DPH6: variants seen among roughly 807,000 people sequenced by gnomAD.
DPH6 encodes the protein diphthamine biosynthesis 6.
Under a neutral mutation model 38.2 loss-of-function variants are expected in DPH6, and 33 were observed. The ratio of observed to expected loss-of-function variants is 0.86; its 90% CI spans 0.65 to 1.15. The LOEUF (loss-of-function observed/expected upper bound fraction) is 1.15. Among genes scored for constraint, DPH6 ranks in the 50% most tolerant of loss-of-function variants. The pLI, the probability that DPH6 is intolerant of heterozygous loss-of-function variation, is 0.00. For synonymous variants in DPH6, 108 were observed against 103.0 expected, an observed-to-expected ratio of 1.05 and a Z score of -0.30; for missense variants, 325 against 320.0, an observed-to-expected ratio of 1.02 and a Z score of -0.12.
At chr15:35,528,066 C>T (rs781116277) in intron 3 of DPH6, among the ~76,000 whole-genome samples, 24 of 152,126 alleles carry the variant, frequency 1.6e-4, no homozygotes, top group East Asian at 5.8e-4. Context: ...CTTGATTTAC[C>T]GGCAAATGTG....
intron 6 of DPH6, among the ~76,000 whole-genome samples, chr15:35,395,469 A>C (rs1595527809): frequency 6.6e-6 from 1 of 152,354 alleles, no homozygotes; most frequent in African/African-American, 2.4e-5. Context: ...AAGCCTCTTC[A>C]TGAATGGGCC....
intron 5 of DPH6, among the ~76,000 whole-genome samples, chr15:35,415,863 C>T (rs1481528091): frequency 6.6e-6 from 1 of 151,916 alleles, no homozygotes; most frequent in South Asian, 2.1e-4. Context: ...CATTTCACTA[C>T]AAAAGGAGAT....
downstream of DPH6, chr15:35,217,248 T>G (rs1292965449): frequency 6.6e-6 from 1 of 152,218 alleles, no homozygotes; most frequent in African/African-American, 2.4e-5. Context: ...AGGTTTAGAT[T>G]AGATAACCTT....
chr15:35,456,237 C>G (rs1296376628), intron 3 of DPH6, among the ~76,000 whole-genome samples: 1 of 151,796 alleles, frequency 6.6e-6, no homozygotes, highest in African/African-American at 2.4e-5. Context: ...ACATAGAGTT[C>G]CTTATTAAAT....
intron 5 of DPH6, among the ~76,000 whole-genome samples, chr15:35,427,548 C>G (rs1041582687): frequency 2.6e-5 from 4 of 151,782 alleles, no homozygotes; most frequent in Non-Finnish European, 5.9e-5. Flanking sequence ...CTGATAGAGT[C>G]TAATTAAGAA....
intron 5 of DPH6, among the ~76,000 whole-genome samples, chr15:35,418,302 A>T (rs1297060361): frequency 2.0e-5 from 3 of 152,150 alleles, no homozygotes; most frequent in Admixed American, 1.3e-4. Flanking sequence ...ATTAATGAAG[A>T]TTATAATCCA....
At chr15:35,158,246 C>A in the DPH6 span, among the ~76,000 whole-genome samples, 7 of 152,118 alleles carry the variant, frequency 4.6e-5, no homozygotes, top group East Asian at 1.4e-3. Flanking sequence ...GATTAAAAGG[C>A]TACCACTTGA....
intron 3 of DPH6, among the ~76,000 whole-genome samples, chr15:35,491,717 G>A (rs570750604): frequency 2.4e-5 from 2 of 82,260 alleles, no homozygotes; most frequent in East Asian, 9.6e-4. Context: ...CTTTATATAT[G>A]TAGATGTATA....
At chr15:35,501,091 T>A (rs1383175772) in intron 3 of DPH6, among the ~76,000 whole-genome samples, 3 of 152,216 alleles carry the variant, frequency 2.0e-5, no homozygotes, top group African/African-American at 4.8e-5. Flanking sequence ...TTATATATTT[T>A]ATGAATTTCT....
downstream of DPH6, among the ~76,000 whole-genome samples, chr15:35,367,874 T>G (rs368684441): frequency 4.4e-4 from 66 of 151,616 alleles, no homozygotes; most frequent in South Asian, 0.013. Context: ...GAAAAAAAAA[T>G]AGAACTCATT....
intron 3 of DPH6, among the ~76,000 whole-genome samples, chr15:35,280,747 T>C (rs1396010692): frequency 6.6e-6 from 1 of 152,214 alleles, no homozygotes; most frequent in Non-Finnish European, 1.5e-5. Flanking sequence ...TTCTCTTTTA[T>C]GTTCATTGAG....
intron 3 of DPH6, among the ~76,000 whole-genome samples, chr15:35,316,308 T>C (rs1748840510): frequency 6.6e-6 from 1 of 152,164 alleles, no homozygotes; most frequent in Admixed American, 6.6e-5. Context: ...CCCAAAACTA[T>C]GGACATCTGT....
In DPH6 at chr15:35,514,380, A is replaced by G. The variant is rs540320218; in HGVS notation, c.312+23894T>C. ...ATCTGAAAACAAGTCCCTTGATATTAGCCTAAAATTAAAATTTACGGAATG... is the reference window on the plus strand; with the variant it reads ...ATCTGAAAACAAGTCCCTTGATATTGGCCTAAAATTAAAATTTACGGAATG... On this transcript the variant is annotated intron_variant, in intron 3 of 8. Transcript: ENST00000256538. 5.9e-5 allele frequency among the ~76,000 whole-genome samples: 9 copies of G among 152,276 alleles called. No individual in the cohort carries two copies. The South Asian group carries it at 1.9e-3, about 32-fold the overall frequency.
chr15:35,355,353 G>A (rs899669206), intron 3 of DPH6, among the ~76,000 whole-genome samples: 3 of 151,936 alleles, frequency 2.0e-5, no homozygotes, highest in East Asian at 1.9e-4. Context: ...AATTTTGCTC[G>A]TTATTTGATG....
chr15:35,543,679 C>T (rs1269252772), intron 1 of DPH6, among the ~76,000 whole-genome samples: 1 of 152,096 alleles, frequency 6.6e-6, no homozygotes, highest in Non-Finnish European at 1.5e-5. Flanking sequence ...GCCTCTTCCA[C>T]CCTCCCATCA....
chr15:35,208,966 C>A, the DPH6 span, among the ~76,000 whole-genome samples: 1 of 152,088 alleles, frequency 6.6e-6, no homozygotes, highest in Non-Finnish European at 1.5e-5. Flanking sequence ...CAAGGTATAT[C>A]TTTTCACTTT....
At chr15:35,352,785 G>T (rs539567090) in intron 3 of DPH6, among the ~76,000 whole-genome samples, 1 of 152,216 alleles carries the variant, frequency 6.6e-6, no homozygotes, top group South Asian at 2.1e-4. Context: ...TAATCCTTTG[G>T]GTATATACCC....
chr15:35,456,633 GTGT>G (rs2054001215), intron 3 of DPH6, among the ~76,000 whole-genome samples: 1 of 151,776 alleles, frequency 6.6e-6, no homozygotes, highest in African/African-American at 2.4e-5. Flanking sequence ...GACTACAGGT[GTGT>G]GCCACCACGC....
chr15:35,343,731 T>C (rs1595490201), intron 3 of DPH6, among the ~76,000 whole-genome samples: 1 of 152,038 alleles, frequency 6.6e-6, no homozygotes, highest in Non-Finnish European at 1.5e-5. Context: ...GTATACACTG[T>C]ACTGTTAGCA....
Sources: gnomAD v4.1 joint callset for allele counts (sites outside exome capture counted in the v4.1 genomes callset) on GRCh38, gnomAD v4.1.1 for gene constraint, MANE v1.5 for transcripts, NCBI Gene and HGNC (gene_info 2026-07-23, HGNC 2026-07-21) for gene names.